AGO3: variants seen among roughly 807,000 people sequenced by gnomAD.
The protein encoded by AGO3 is argonaute RISC catalytic component 3.
A neutral mutation model predicts 105.5 loss-of-function variants in AGO3; 16 were observed. The ratio of observed to expected loss-of-function variants is 0.15; its 90% CI spans 0.10 to 0.23. AGO3 has a LOEUF of 0.23. Among genes scored for constraint, AGO3 ranks in the 10% least tolerant of loss-of-function variants. AGO3 has a pLI of 1.00. For synonymous variants in AGO3, 340 were observed against 367.3 expected (o/e 0.93, Z 0.85); for missense variants, 534 against 1,088.0 (o/e 0.49, Z 7.16).
chr1:35,982,803 T>C, intron 5 of AGO3: 3 of 586,392 alleles, frequency 5.1e-6, no homozygotes, highest in Non-Finnish European at 9.2e-6. Flanking sequence ...AAAAAAAACT[T>C]TGGGTGTAGT....
intron 2 of AGO3, among the ~76,000 whole-genome samples, chr1:35,946,069 A>G (rs1646358450): frequency 6.6e-6 from 1 of 152,090 alleles, no homozygotes; most frequent in Admixed American, 6.5e-5. Context: ...ACGAGCTCAC[A>G]TTTTCCCTGT....
chr1:36,008,670 A>G lies in AGO3; in HGVS notation c.794-20A>G, dbSNP rs2148813601. 1.2e-6 allele frequency: 2 copies of G among 1,612,060 alleles called. No homozygotes were observed. The highest frequency in any genetic ancestry group is 1.1e-5 in the South Asian group (1 of 90,946). ...TACATGTGACAGTTCTGTAACCTCC[A>G]TTTTTCTTGTTGGGAACAGGTTTGA... On this transcript the variant is annotated intron_variant, in intron 6 of 18. Transcript: ENST00000373191. This position sits in a 1 kb window ranked among gnomAD's most constrained non-coding sequence, Gnocchi z 5.1.
At chr1:35,995,209 A>AATATATATATATAT (rs748081363) in intron 5 of AGO3, among the ~76,000 whole-genome samples, 6 of 114,740 alleles carry the variant, frequency 5.2e-5, no homozygotes, top group African/African-American at 1.1e-4. Context: ...TAAAAAAAAA[A>AATATATATATATAT]ATATATATAT....
At chr1:36,031,153 C>T (rs1359483751) in intron 12 of AGO3, among the ~76,000 whole-genome samples, 1 of 152,058 alleles carries the variant, frequency 6.6e-6, no homozygotes, top group Non-Finnish European at 1.5e-5. Context: ...TGACCTTCAA[C>T]CTTCCTCCTT....
In AGO3 at chr1:36,055,602, GT is replaced by G; in HGVS notation, c.2475-32del. The G allele has an allele frequency of 6.3e-7, 1 of 1,584,550 alleles. No individual in the cohort carries two copies. The highest frequency in any genetic ancestry group is 2.2e-5 in the East Asian group (1 of 44,730). On this transcript the variant is annotated intron_variant, in intron 18 of 18. Coordinates refer to ENST00000373191, the MANE Select transcript of AGO3 (RefSeq NM_024852.4). This position sits in a 1 kb window ranked among gnomAD's most constrained non-coding sequence, Gnocchi z 4.4. ...CGGAATTATTACATCAGAATAGAAA[GT>G]TTGTTTTTGTGTTCATTGCCACTTC...
intron 9 of AGO3, 134 bp downstream of exon 9, chr1:36,009,728 T>TA: frequency 1.1e-6 from 1 of 938,658 alleles, no homozygotes; most frequent in Non-Finnish European, 1.5e-6. Flanking sequence ...ATCATGGAAG[T>TA]AATCTAATGT....
chr1:35,935,466 A>G (rs541515224), intron 1 of AGO3, among the ~76,000 whole-genome samples: 1 of 152,382 alleles, frequency 6.6e-6, no homozygotes, highest in South Asian at 2.1e-4. Flanking sequence ...GAATGAAAAG[A>G]TATCTACATG....
rs376202951 is a variant in AGO3, at chr1:36,072,318, G to C, written c.*16573G>C. On this transcript the variant is annotated 3_prime_UTR_variant, in exon 19 of 19. Coordinates refer to ENST00000373191, the MANE Select transcript of AGO3 (RefSeq NM_024852.4). ...GATTCTTTCTGAGCCAAACTGTCAC[G>C]AAATGTTCTGTGACAGAACCACTAC... The C allele has an allele frequency of 6.6e-6, 1 of 152,186 alleles. No individual in the cohort carries two copies. Among genetic ancestry groups the C allele is most frequent in the Non-Finnish European group, 1.5e-5 (1 of 68,036 alleles). The allele number at this position is 152,186 out of a possible 1,614,324, so 9.4% of individuals were successfully genotyped here. A position where few individuals can be genotyped will look rare whatever the true frequency, so the allele number is the denominator to read the frequency against.
At chr1:35,944,001 T>C (rs1571412010) in intron 1 of AGO3, among the ~76,000 whole-genome samples, 1 of 152,224 alleles carries the variant, frequency 6.6e-6, no homozygotes, top group East Asian at 1.9e-4. Context: ...TGTATGTATA[T>C]ACCACATTTT....
In AGO3 at chr1:36,018,354, G is replaced by T. The variant is rs540415460; in HGVS notation, c.1406+4306G>T. 1.1e-4 allele frequency among the ~76,000 whole-genome samples: 17 copies of T among 150,798 alleles called. No homozygotes were observed. The East Asian group carries it at 3.1e-3, about 28-fold the overall frequency. On this transcript the variant is annotated intron_variant, in intron 11 of 18. Transcript: ENST00000373191. The stretch of plus-strand genomic sequence containing the variant: ...TCTGACTGATTATGAAGCAAAAAAG[G>T]TACCATTAAAATTTCTCACCCACAT...
chr1:36,040,842 G>A (rs926994115), intron 16 of AGO3, among the ~76,000 whole-genome samples: 1 of 152,012 alleles, frequency 6.6e-6, no homozygotes, highest in African/African-American at 2.4e-5. Flanking sequence ...GGAGGCCAAG[G>A]CAGGCAGATC....
Position 36,036,279 on chromosome 1 carries a change from C to G in AGO3, c.1842+12C>G. 1.9e-6 allele frequency: 3 copies of G among 1,611,820 alleles called. No homozygotes were observed. Among genetic ancestry groups the G allele is most frequent in the Non-Finnish European group, 2.5e-6 (3 of 1,178,024 alleles). On this transcript the variant is annotated intron_variant, in intron 14 of 18. Coordinates refer to ENST00000373191, the MANE Select transcript of AGO3 (RefSeq NM_024852.4). The stretch of plus-strand genomic sequence containing the variant: ...CTTCTATTGCTGCTGTGAGTGTTAG[C>G]CAGGTTTATCTTACCTAAGGTTGAC...
rs147036587 is a variant in AGO3 at position 35,957,050 on chromosome 1, T to G, written c.192-9905T>G. ...GAAAATGCGCCATTACACATGGTTG[T>G]TAAGAAGTTGGTGGCCCAGCCTGGT... On this transcript the variant is annotated intron_variant, in intron 2 of 18. Coordinates refer to ENST00000373191, the MANE Select transcript of AGO3 (RefSeq NM_024852.4). Among the ~76,000 whole-genome samples the G allele has an allele frequency of 2.6e-3, 392 of 152,182 alleles. 1 individual carries two copies. Among genetic ancestry groups the G allele is most frequent in the African/African-American group, 8.5e-3 (352 of 41,542 alleles).
At chr1:36,032,621 C>A (rs1234732769) in intron 12 of AGO3, among the ~76,000 whole-genome samples, 2 of 152,172 alleles carry the variant, frequency 1.3e-5, no homozygotes, top group East Asian at 1.9e-4. Context: ...TGGGCTCAAG[C>A]AATCCGCCTC....
chr1:35,953,272 G>GA (rs967020958), intron 2 of AGO3, among the ~76,000 whole-genome samples: 24 of 139,920 alleles, frequency 1.7e-4, no homozygotes, highest in Non-Finnish European at 1.7e-4. Context: ...CTACTAAAAA[G>GA]AAAAAAAAAA....
intron 12 of AGO3, among the ~76,000 whole-genome samples, chr1:36,032,084 C>T (rs1641806408): frequency 6.6e-6 from 1 of 152,094 alleles, no homozygotes; most frequent in Non-Finnish European, 1.5e-5. Flanking sequence ...AGTGTCATTG[C>T]TGCATCATAT....
chr1:36,028,108 C>T (rs1361726708), intron 12 of AGO3, among the ~76,000 whole-genome samples: 2 of 152,148 alleles, frequency 1.3e-5, no homozygotes, highest in Admixed American at 6.6e-5. Context: ...GTGGTGCAAT[C>T]ATGGCTTACT....
intron 11 of AGO3, among the ~76,000 whole-genome samples, chr1:36,015,979 T>C (rs905274541): frequency 1.3e-5 from 2 of 152,176 alleles, no homozygotes; most frequent in Non-Finnish European, 2.9e-5. Flanking sequence ...AGCAGCCGCA[T>C]GGTTGAAGAA....
At chr1:35,968,183 T>C (rs1646807356) in intron 3 of AGO3, among the ~76,000 whole-genome samples, 1 of 152,230 alleles carries the variant, frequency 6.6e-6, no homozygotes, top group Non-Finnish European at 1.5e-5. Context: ...TTGATTAAAT[T>C]GGTGTCTGCC....
Sources: gnomAD v4.1 joint callset for allele counts (sites outside exome capture counted in the v4.1 genomes callset) on GRCh38, gnomAD v4.1.1 for gene constraint, Gnocchi (gnomAD v3.1) non-coding constraint, MANE v1.5 for transcripts, NCBI Gene and HGNC (gene_info 2026-07-23, HGNC 2026-07-21) for gene names.